Variants in SMYD3 observed in about 807,000 individuals in gnomAD.
SMYD3 encodes SET and MYND domain containing 3.
In SMYD3, 36 loss-of-function variants were observed where a neutral mutation model predicts 57.7. The ratio of observed to expected loss-of-function variants is 0.62; its 90% CI spans 0.48 to 0.82. The LOEUF is 0.82. SMYD3 is among the 40% of genes least tolerant of loss of function. The probability of loss-of-function intolerance (pLI) is 0.00; values close to 1 mark genes in which losing one functional copy is unlikely to be tolerated. For missense variants in SMYD3, 515 were observed against 538.8 expected, an observed-to-expected ratio of 0.96 and a Z score of 0.44; for synonymous variants, 211 against 195.0, an observed-to-expected ratio of 1.08 and a Z score of -0.68.
chr1:246,268,995 T>A (rs2064165239), intron 5 of SMYD3, among the ~76,000 whole-genome samples: 1 of 152,124 alleles, frequency 6.6e-6, no homozygotes, highest in Non-Finnish European at 1.5e-5. Flanking sequence ...AAGTTACAGG[T>A]TCCCATTACT....
At chr1:246,294,571 T>A (rs1397565449) in intron 5 of SMYD3, among the ~76,000 whole-genome samples, 1 of 151,822 alleles carries the variant, frequency 6.6e-6, no homozygotes, top group African/African-American at 2.4e-5. Flanking sequence ...CATGTATACA[T>A]CTGTGTGTGA....
intron 1 of SMYD3, among the ~76,000 whole-genome samples, chr1:246,398,222 C>T (rs1055012175): frequency 6.6e-6 from 1 of 152,198 alleles, no homozygotes; most frequent in Non-Finnish European, 1.5e-5. Context: ...ATCTCATCGG[C>T]TTTCATTAAT....
At chr1:245,998,961 G>A (rs994083701) in intron 5 of SMYD3, among the ~76,000 whole-genome samples, 3 of 152,138 alleles carry the variant, frequency 2.0e-5, no homozygotes, top group South Asian at 2.1e-4. Context: ...TCACAGAGAC[G>A]CAAAACAGAT....
chr1:245,764,296 T>G (rs2045978989), intron 10 of SMYD3, 147 bp from the exon 11 acceptor site: 3 of 625,654 alleles, frequency 4.8e-6, no homozygotes, highest in East Asian at 5.5e-5. Flanking sequence ...TCCAGGAGAA[T>G]GCAGTACTGA....
chr1:245,978,071 A>G (rs1282705545), intron 5 of SMYD3, among the ~76,000 whole-genome samples: 1 of 152,196 alleles, frequency 6.6e-6, no homozygotes, highest in Non-Finnish European at 1.5e-5. Context: ...TATCATCACT[A>G]TACACCAGCA....
chr1:245,946,568 A>G (rs2057434827), intron 5 of SMYD3, among the ~76,000 whole-genome samples: 2 of 152,308 alleles, frequency 1.3e-5, no homozygotes, highest in South Asian at 4.1e-4. Flanking sequence ...CTGAGGCTAC[A>G]TGGTCCGATG....
At chr1:245,956,086 A>AT in intron 5 of SMYD3, 1 of 981,452 alleles carries the variant, frequency 1.0e-6, no homozygotes, top group Non-Finnish European at 1.2e-6. Flanking sequence ...ATTATTTTCT[A>AT]TTTTTTCATT....
At chr1:246,414,551 A>G (rs12082021) in intron 1 of SMYD3, among the ~76,000 whole-genome samples, 7,196 of 152,144 alleles carry the variant, frequency 0.047, 599 homozygotes, top group African/African-American at 0.17. Flanking sequence ...CATTATTTTT[A>G]AGGCTTTTAC....
At chr1:245,835,606 AG>A (rs1384683118) in intron 10 of SMYD3, among the ~76,000 whole-genome samples, 3 of 152,182 alleles carry the variant, frequency 2.0e-5, no homozygotes, top group Non-Finnish European at 4.4e-5. Flanking sequence ...CCTTTACACT[AG>A]GGACTGTCTC....
intron 5 of SMYD3, among the ~76,000 whole-genome samples, chr1:246,265,348 A>T (rs1168408415): frequency 6.6e-6 from 1 of 151,624 alleles, no homozygotes. Flanking sequence ...TTTCTTGTCC[A>T]TGCTTGTCTT....
intron 5 of SMYD3, among the ~76,000 whole-genome samples, chr1:246,006,335 G>A (rs560655994): frequency 1.6e-4 from 25 of 152,074 alleles, no homozygotes; most frequent in Non-Finnish European, 2.9e-4. Context: ...GGCGGGGGGC[G>A]GGACAGGGGA....
intron 10 of SMYD3, among the ~76,000 whole-genome samples, chr1:245,793,121 AAC>A (rs2047361047): frequency 2.1e-5 from 3 of 145,066 alleles, no homozygotes; most frequent in South Asian, 2.2e-4. Flanking sequence ...CATCCTGGCT[AAC>A]ACGGTGAAAC....
chr1:246,400,318 T>C (rs1246576232), intron 1 of SMYD3, among the ~76,000 whole-genome samples: 4 of 152,276 alleles, frequency 2.6e-5, no homozygotes, highest in Non-Finnish European at 5.9e-5. Context: ...AAACAGTATA[T>C]TAAGTGCCTT....
chr1:246,438,804 T>C (rs1195181344), intron 1 of SMYD3, among the ~76,000 whole-genome samples: 1 of 151,384 alleles, frequency 6.6e-6, no homozygotes, highest in Non-Finnish European at 1.5e-5. Flanking sequence ...AGGCATTACT[T>C]TGATTCTCAT....
chr1:246,371,317 G>C (rs961186732), intron 1 of SMYD3, among the ~76,000 whole-genome samples: 3 of 152,178 alleles, frequency 2.0e-5, no homozygotes, highest in Non-Finnish European at 2.9e-5. Flanking sequence ...ACAGTGAGTA[G>C]ACTGGAGAAA....
chr1:246,468,072 G>C (rs2067904965), intron 1 of SMYD3, among the ~76,000 whole-genome samples: 1 of 150,956 alleles, frequency 6.6e-6, no homozygotes, highest in African/African-American at 2.4e-5. Flanking sequence ...GGGTTGGGAG[G>C]ATCACTTAAG....
intron 5 of SMYD3, among the ~76,000 whole-genome samples, chr1:246,247,235 T>C (rs2063718997): frequency 6.6e-6 from 1 of 151,872 alleles, no homozygotes; most frequent in South Asian, 2.1e-4. Context: ...GTAATGACAT[T>C]TGAAAGCATG....
chr1:245,870,835 A>ACGT (rs2052149285), intron 8 of SMYD3, among the ~76,000 whole-genome samples: 1 of 151,954 alleles, frequency 6.6e-6, no homozygotes, highest in South Asian at 2.1e-4. Context: ...GTCAGGTTAA[A>ACGT]CACACGAATC....
chr1:245,995,869 T>C (rs527404004), intron 5 of SMYD3, among the ~76,000 whole-genome samples: 25 of 152,250 alleles, frequency 1.6e-4, no homozygotes, highest in African/African-American at 5.8e-4. Context: ...AAGAGAGCCA[T>C]GCCCCTAACA....
Sources: gnomAD v4.1 joint callset for allele counts (sites outside exome capture counted in the v4.1 genomes callset) on GRCh38, gnomAD v4.1.1 for gene constraint, MANE v1.5 for transcripts, NCBI Gene and HGNC (gene_info 2026-07-23, HGNC 2026-07-21) for gene names.